The following RIMS2 variants were observed in gnomAD, a reference collection of about 807,000 sequenced individuals.
The protein encoded by RIMS2 is regulating synaptic membrane exocytosis 2.
A neutral mutation model predicts 174.4 loss-of-function variants in RIMS2; 59 were observed. That is an observed-to-expected ratio of 0.34 (90% CI 0.27 to 0.42). RIMS2 has a LOEUF of 0.42. RIMS2 is among the 10% of genes least tolerant of loss of function. The probability of loss-of-function intolerance (pLI) is 1.00; values close to 1 mark genes in which losing one functional copy is unlikely to be tolerated. For missense variants in RIMS2, 1,620 were observed against 1,666.3 expected, an observed-to-expected ratio of 0.97 and a Z score of 0.48; for synonymous variants, 606 against 572.5, an observed-to-expected ratio of 1.06 and a Z score of -0.84.
At chr8:104,011,728 T>G (rs1008048202) in intron 17 of RIMS2, among the ~76,000 whole-genome samples, 2 of 152,066 alleles carry the variant, frequency 1.3e-5, no homozygotes, top group Non-Finnish European at 2.9e-5. Context: ...GCTAGGGTAA[T>G]TGTAGCTATT....
At chr8:103,556,033 CTG>C (rs1374029647) in intron 1 of RIMS2, among the ~76,000 whole-genome samples, 1 of 151,908 alleles carries the variant, frequency 6.6e-6, no homozygotes, top group Non-Finnish European at 1.5e-5. Flanking sequence ...ACCAGGGACT[CTG>C]TGGTGGGGTT....
At chr8:103,695,917 A>C (rs1334364408) in intron 1 of RIMS2, among the ~76,000 whole-genome samples, 1 of 152,128 alleles carries the variant, frequency 6.6e-6, no homozygotes, top group Non-Finnish European at 1.5e-5. Context: ...CTATGAAGGC[A>C]GACTAGGGGC....
intron 3 of RIMS2, among the ~76,000 whole-genome samples, chr8:103,849,546 G>GT (rs1208405878): frequency 1.3e-5 from 2 of 151,982 alleles, no homozygotes; most frequent in African/African-American, 4.8e-5. Flanking sequence ...GCAAGGCATT[G>GT]TTTTTTCCTT....
chr8:103,529,155 T>G (rs995702621), intron 1 of RIMS2, among the ~76,000 whole-genome samples: 2 of 152,238 alleles, frequency 1.3e-5, no homozygotes, highest in Non-Finnish European at 2.9e-5. Flanking sequence ...TTGAAGCAGT[T>G]GTGAATGGGA....
chr8:104,093,258 A>G (rs562463753), intron 19 of RIMS2, among the ~76,000 whole-genome samples: 1 of 152,168 alleles, frequency 6.6e-6, no homozygotes, highest in African/African-American at 2.4e-5. Flanking sequence ...GTGTGGTAAA[A>G]ACATTCTAAT....
At chr8:104,021,445 A>T (rs116590257) in intron 19 of RIMS2, among the ~76,000 whole-genome samples, 1,942 of 152,294 alleles carry the variant, frequency 0.013, 53 homozygotes, top group African/African-American at 0.045. Context: ...ATGAAAGGAA[A>T]TGTTGATATG....
chr8:103,621,389 G>C (rs771102911), intron 1 of RIMS2, among the ~76,000 whole-genome samples: 6 of 152,166 alleles, frequency 3.9e-5, no homozygotes, highest in Non-Finnish European at 7.3e-5. Flanking sequence ...TTTTAAAAGA[G>C]GCAAAGGCAG....
At chr8:103,768,349 A>G in intron 3 of RIMS2, 2 of 708,700 alleles carry the variant, frequency 2.8e-6, no homozygotes, top group Non-Finnish European at 5.2e-6. Context: ...ATAAACGCAA[A>G]CTCTGCACTT....
intron 4 of RIMS2, among the ~76,000 whole-genome samples, chr8:103,901,727 A>C (rs889993422): frequency 7.2e-5 from 11 of 152,184 alleles, no homozygotes; most frequent in African/African-American, 2.7e-4. Context: ...GTAATACCAA[A>C]AGAGCAAGAT....
At chr8:103,993,038 C>G (rs902417846) in intron 17 of RIMS2, among the ~76,000 whole-genome samples, 1 of 152,128 alleles carries the variant, frequency 6.6e-6, no homozygotes, top group Non-Finnish European at 1.5e-5. Context: ...CGCTTGAACC[C>G]GAGTGGCAGA....
intron 17 of RIMS2, among the ~76,000 whole-genome samples, chr8:103,993,077 G>A (rs1441837723): frequency 2.0e-5 from 3 of 152,144 alleles, no homozygotes; most frequent in African/African-American, 7.2e-5. Context: ...TCGCGCCACT[G>A]CACTCCAGCC....
intron 17 of RIMS2, among the ~76,000 whole-genome samples, chr8:104,000,777 T>C (rs566950325): frequency 4.9e-4 from 75 of 152,098 alleles, no homozygotes; most frequent in African/African-American, 1.4e-3. Context: ...TGATATCTCA[T>C]TGTGGTTTTG....
At chr8:103,925,598 T>C (rs2078620494) in intron 10 of RIMS2, among the ~76,000 whole-genome samples, 1 of 151,598 alleles carries the variant, frequency 6.6e-6, no homozygotes, top group African/African-American at 2.4e-5. Context: ...TTCATTTGTA[T>C]GAAGCCTGAA....
In RIMS2 at chr8:103,940,420, C is replaced by G. The variant is rs1334473216; in HGVS notation, c.2548-2353C>G. 1.3e-5 allele frequency among the ~76,000 whole-genome samples: 2 copies of G among 152,160 alleles called. 1 individual carries two copies. The highest frequency in any genetic ancestry group is 4.8e-5 in the African/African-American group (2 of 41,440). ...ATTATTCAATTACCTCCCACTGGGTCTCTCCCATGACACAAGGGTATTGTG... is the reference window on the plus strand; with the variant it reads ...ATTATTCAATTACCTCCCACTGGGTGTCTCCCATGACACAAGGGTATTGTG... On this transcript the variant is annotated intron_variant, in intron 13 of 23. Coordinates refer to ENST00000504942, the Ensembl canonical transcript of RIMS2.
At chr8:103,873,166 A>T (rs1489988716) in intron 3 of RIMS2, among the ~76,000 whole-genome samples, 1 of 152,096 alleles carries the variant, frequency 6.6e-6, no homozygotes, top group African/African-American at 2.4e-5. Flanking sequence ...CTGCTTTAAA[A>T]TAATATTCCT....
intron 19 of RIMS2, among the ~76,000 whole-genome samples, chr8:104,155,353 G>T (rs1420411494): frequency 1.3e-5 from 2 of 149,308 alleles, no homozygotes; most frequent in Non-Finnish European, 3.0e-5. Context: ...TGATCTGCCC[G>T]CCTCGGCCTC....
intron 19 of RIMS2, among the ~76,000 whole-genome samples, chr8:104,139,229 G>A (rs113834008): frequency 6.6e-6 from 1 of 152,018 alleles, no homozygotes; most frequent in Non-Finnish European, 1.5e-5. Flanking sequence ...TTTTTGTTTA[G>A]GATAGCTTTA....
intron 2 of RIMS2, among the ~76,000 whole-genome samples, chr8:103,757,024 A>AGT (rs2098028206): frequency 1.3e-5 from 2 of 151,222 alleles, no homozygotes; most frequent in Non-Finnish European, 3.0e-5. Context: ...AGAGAGAGAG[A>AGT]GAGAGAGAGA....
chr8:103,547,696 A>T (rs1246448323), intron 1 of RIMS2, among the ~76,000 whole-genome samples: 1 of 152,208 alleles, frequency 6.6e-6, no homozygotes, highest in Non-Finnish European at 1.5e-5. Flanking sequence ...ACACACAAAA[A>T]TACAAAAGGT....
Sources: gnomAD v4.1 joint callset for allele counts (sites outside exome capture counted in the v4.1 genomes callset) on GRCh38, gnomAD v4.1.1 for gene constraint, MANE v1.5 for transcripts, NCBI Gene and HGNC (gene_info 2026-07-23, HGNC 2026-07-21) for gene names.